Variants in KAZN observed in about 807,000 individuals in gnomAD.
The protein encoded by KAZN is kazrin.
Under a neutral mutation model 87.4 loss-of-function variants are expected in KAZN, and 40 were observed. That is an observed-to-expected ratio of 0.46 (90% confidence interval 0.36 to 0.60). The LOEUF is 0.60. KAZN is among the 20% of genes least tolerant of loss of function. The pLI is 0.00. For synonymous variants in KAZN, 466 were observed against 458.3 expected, an observed-to-expected ratio of 1.02 and a Z score of -0.22; for missense variants, 898 against 1,073.9, an observed-to-expected ratio of 0.84 and a Z score of 2.29.
At chr1:15,078,916 G>T (rs1445645446) in intron 8 of KAZN, among the ~76,000 whole-genome samples, 1 of 152,172 alleles carries the variant, frequency 6.6e-6, no homozygotes, top group Non-Finnish European at 1.5e-5. Flanking sequence ...TTAAATCAAT[G>T]CTGCTCGTAA....
chr1:14,799,391 C>T (rs757562175), intron 1 of KAZN, among the ~76,000 whole-genome samples: 36 of 152,162 alleles, frequency 2.4e-4, no homozygotes, highest in Non-Finnish European at 4.6e-4. Flanking sequence ...ATGCCTGTTC[C>T]GCTTTCACGT....
chr1:14,949,555 C>T lies in KAZN; in HGVS notation c.227-11129C>T, dbSNP rs1662235628. 6.6e-6 allele frequency among the ~76,000 whole-genome samples: 1 copy of T among 152,156 alleles called. No homozygotes were observed. The highest frequency in any genetic ancestry group is 1.9e-4 in the East Asian group (1 of 5,172). ...CCACCCCCACCCAGATGGTGTTTTT[C>T]GAGATTCACATTCCTCCTGGTGCCA... On this transcript the variant is annotated intron_variant, in intron 1 of 14. Transcript: ENST00000376030. This position sits in a 1 kb window ranked among gnomAD's most constrained non-coding sequence, Gnocchi z 4.3.
chr1:15,092,060 G>GTTTTTTTTTTTGTTTTTTTT (rs1640562777), intron 8 of KAZN, among the ~76,000 whole-genome samples: 2 of 114,442 alleles, frequency 1.7e-5, no homozygotes, highest in Non-Finnish European at 3.5e-5. Flanking sequence ...TTGTTTTTTT[G>GTTTTTTTTTTTGTTTTTTTT]TTTTTTTTTT....
chr1:14,880,893 G>T (rs967919759), intron 1 of KAZN, among the ~76,000 whole-genome samples: 1 of 152,214 alleles, frequency 6.6e-6, no homozygotes, highest in South Asian at 2.1e-4. Context: ...TGTCCCAGTG[G>T]AATATGATTT....
intron 2 of KAZN, among the ~76,000 whole-genome samples, chr1:14,355,400 A>T (rs956465729): frequency 6.8e-6 from 1 of 147,902 alleles, no homozygotes; most frequent in African/African-American, 2.5e-5. Flanking sequence ...AACAATCTAC[A>T]TATTTATTTA....
At chr1:14,668,244 C>A (rs1639698594) in intron 1 of KAZN, among the ~76,000 whole-genome samples, 1 of 152,184 alleles carries the variant, frequency 6.6e-6, no homozygotes, top group Non-Finnish European at 1.5e-5. Flanking sequence ...ACTTTTCATG[C>A]AGGCCCCTTT....
chr1:13,999,381 AC>A (rs1327005312), intron 1 of KAZN, among the ~76,000 whole-genome samples: 1 of 151,008 alleles, frequency 6.6e-6, no homozygotes, highest in East Asian at 1.9e-4. Context: ...AAACAAAAAA[AC>A]AAACAAAAAA....
intron 2 of KAZN, among the ~76,000 whole-genome samples, chr1:14,398,120 T>C (rs1406375564): frequency 4.6e-5 from 7 of 152,308 alleles, no homozygotes; most frequent in East Asian, 3.9e-4. Context: ...TGTGTTACAG[T>C]AATATATAAA....
chr1:14,018,292 G>A (rs996515265), intron 1 of KAZN, among the ~76,000 whole-genome samples: 1 of 152,122 alleles, frequency 6.6e-6, no homozygotes, highest in Admixed American at 6.5e-5. Context: ...TCCACTGTGG[G>A]TAAATTGACT....
chr1:14,974,263 G>A (rs1665382344), intron 2 of KAZN, among the ~76,000 whole-genome samples: 1 of 152,146 alleles, frequency 6.6e-6, no homozygotes, highest in African/African-American at 2.4e-5. Context: ...TGACAGGCCA[G>A]CCAGACCCCA....
chr1:14,478,522 A>G lies in KAZN; in HGVS notation c.250-120461A>G, dbSNP rs1187415685. Among the ~76,000 whole-genome samples the G allele has an allele frequency of 2.0e-5, 3 of 152,180 alleles. No individual in the cohort carries two copies. The East Asian group carries it at 5.8e-4, about 29-fold the overall frequency. Reference sequence around the variant, plus strand: ...TTCCATAGGACAACCTATTCCTACAAATGCCTCAAACTCAACATGTCCAAA... The same window carrying G: ...TTCCATAGGACAACCTATTCCTACAGATGCCTCAAACTCAACATGTCCAAA... On this transcript the variant is annotated intron_variant, in intron 2 of 16. Coordinates refer to the KAZN transcript ENST00000636203.
At position 13,919,860 on chromosome 1, in the gene KAZN, T is replaced by C. The variant is rs562707827; in HGVS notation, c.91+26104T>C. Among the ~76,000 whole-genome samples the C allele has an allele frequency of 3.3e-5, 5 of 152,352 alleles. No homozygotes were observed. The South Asian group carries it at 1.0e-3, about 32-fold the overall frequency. On this transcript the variant is annotated intron_variant, in intron 1 of 16. Transcript: ENST00000636203. ...ATAGGCCACCACACCCAGCCTATGT[T>C]ATCTTTTAGAAGCTTTATTGTTAAC...
At chr1:14,760,404 G>T (rs1283194778) in intron 1 of KAZN, among the ~76,000 whole-genome samples, 1 of 152,212 alleles carries the variant, frequency 6.6e-6, no homozygotes, top group African/African-American at 2.4e-5. Flanking sequence ...AGGTTGTGAT[G>T]ATAAAATAAG....
At chr1:15,109,312 T>C (rs1641404831) in intron 13 of KAZN, among the ~76,000 whole-genome samples, 1 of 151,956 alleles carries the variant, frequency 6.6e-6, no homozygotes, top group South Asian at 2.1e-4. Context: ...CTGAGCCCAG[T>C]AAGCCAAGAT....
intron 5 of KAZN, among the ~76,000 whole-genome samples, chr1:15,058,511 A>G (rs1305004085): frequency 6.6e-6 from 1 of 152,224 alleles, no homozygotes; most frequent in Non-Finnish European, 1.5e-5. Flanking sequence ...TCCAGTGCCA[A>G]TGCCTGCAGA....
chr1:14,099,802 G>A (rs1360484359), intron 1 of KAZN, among the ~76,000 whole-genome samples: 1 of 152,186 alleles, frequency 6.6e-6, no homozygotes, highest in Non-Finnish European at 1.5e-5. Context: ...TGGATTGCCT[G>A]TGCTTCTTCC....
chr1:14,315,351 G>A (rs1171940781), intron 2 of KAZN, among the ~76,000 whole-genome samples: 3 of 152,014 alleles, frequency 2.0e-5, no homozygotes, highest in East Asian at 1.9e-4. Context: ...GTTATGGAAC[G>A]TATTTCTAAA....
At chr1:15,031,343 G>T (rs1671674932) in intron 2 of KAZN, among the ~76,000 whole-genome samples, 1 of 152,256 alleles carries the variant, frequency 6.6e-6, no homozygotes, top group Non-Finnish European at 1.5e-5. Context: ...GACACAAGGA[G>T]GCTGTGGAGA....
chr1:14,590,628 TG>T (rs547635192), intron 2 of KAZN, among the ~76,000 whole-genome samples: 13 of 152,170 alleles, frequency 8.5e-5, no homozygotes, highest in Non-Finnish European at 1.5e-4. Context: ...TTGAGCAAAC[TG>T]GCAGACCACA....
Sources: gnomAD v4.1 joint callset for allele counts (sites outside exome capture counted in the v4.1 genomes callset) on GRCh38, gnomAD v4.1.1 for gene constraint, Gnocchi (gnomAD v3.1) non-coding constraint, MANE v1.5 for transcripts, NCBI Gene and HGNC (gene_info 2026-07-23, HGNC 2026-07-21) for gene names.